The following CHP1 variants were observed in gnomAD, a reference collection of about 807,000 sequenced individuals.
CHP1 encodes calcineurin like EF-hand protein 1, also known as calcineurin B homologous protein 1.
CHP1 carries 11 observed loss-of-function variants against 27.4 expected under a neutral mutation model. That is an observed-to-expected ratio of 0.40 (90% CI 0.25 to 0.67). The LOEUF (loss-of-function observed/expected upper bound fraction) is 0.67. Among genes scored for constraint, CHP1 ranks in the 30% least tolerant of loss-of-function variants. The pLI is 0.38. For synonymous variants in CHP1, 89 were observed against 87.4 expected, an observed-to-expected ratio of 1.02 and a Z score of -0.10; for missense variants, 169 against 251.3, an observed-to-expected ratio of 0.67 and a Z score of 2.22.
chr15:41,252,445 G>C (rs1419640109), intron 2 of CHP1, among the ~76,000 whole-genome samples: 3 of 152,176 alleles, frequency 2.0e-5, no homozygotes, highest in African/African-American at 7.2e-5. Flanking sequence ...GGAATTACAG[G>C]AGTGAGCCAC....
intron 1 of CHP1, 69 bp downstream of exon 1, chr15:41,231,518 C>T (rs2047241944): frequency 6.7e-7 from 1 of 1,483,396 alleles, no homozygotes; most frequent in Non-Finnish European, 9.2e-7. Flanking sequence ...GCGGCTGTCG[C>T]TAAGGTCTGG....
intron 5 of CHP1, 138 bp downstream of exon 5, chr15:41,270,756 G>A (rs1443525066): frequency 3.0e-6 from 2 of 657,510 alleles, no homozygotes; most frequent in Admixed American, 2.8e-5. Context: ...TAAGACAAAG[G>A]AGATGACCTG....
intron 3 of CHP1, among the ~76,000 whole-genome samples, chr15:41,259,497 T>G (rs1388480421): frequency 2.0e-5 from 3 of 151,840 alleles, no homozygotes; most frequent in Admixed American, 1.3e-4. Flanking sequence ...GGGTTTTTCT[T>G]TCTTCCCTAG....
chr15:41,252,938 T>G (rs2047377658), intron 2 of CHP1, among the ~76,000 whole-genome samples: 1 of 128,332 alleles, frequency 7.8e-6, no homozygotes, highest in Non-Finnish European at 1.6e-5. Flanking sequence ...TTTTTTTTTT[T>G]TTTTTTTTTT....
intron 2 of CHP1, among the ~76,000 whole-genome samples, chr15:41,247,667 A>G (rs149793872): frequency 8.5e-4 from 121 of 142,062 alleles, no homozygotes; most frequent in African/African-American, 3.1e-3. Context: ...GCAAGACTCC[A>G]TCTTAAAATA....
intron 1 of CHP1, among the ~76,000 whole-genome samples, chr15:41,234,430 A>C (rs932064095): frequency 1.3e-5 from 2 of 152,214 alleles, no homozygotes; most frequent in Admixed American, 6.5e-5. Flanking sequence ...ATTATAAGAC[A>C]TTTTACTACT....
intron 5 of CHP1, among the ~76,000 whole-genome samples, chr15:41,277,597 G>A (rs1224547472): frequency 6.6e-6 from 1 of 152,138 alleles, no homozygotes; most frequent in Non-Finnish European, 1.5e-5. Flanking sequence ...AGACCAGCCT[G>A]GCCAACATGG....
In CHP1 at chr15:41,255,466, A is replaced by T. The variant is rs192038206; in HGVS notation, c.141-1444A>T. Among the ~76,000 whole-genome samples, 53 of 152,262 alleles carry T rather than the reference A, an allele frequency of 3.5e-4. No homozygotes were observed. The East Asian group carries it at 9.4e-3, about 27-fold the overall frequency. On this transcript the variant is annotated intron_variant, in intron 2 of 6. Coordinates refer to ENST00000334660, the MANE Select transcript of CHP1 (RefSeq NM_007236.5). ...GGTGGGTGGATCACCTGAGGTCAGGAGTTCAAGACCAGCCTGGCCAATGTG... is the reference window on the plus strand; with the variant it reads ...GGTGGGTGGATCACCTGAGGTCAGGTGTTCAAGACCAGCCTGGCCAATGTG...
In CHP1 at chr15:41,250,477, G is replaced by T. The variant is rs527776875; in HGVS notation, c.141-6433G>T. Among the ~76,000 whole-genome samples, 59 of 152,206 alleles carry T rather than the reference G, an allele frequency of 3.9e-4. 1 individual carries two copies. In the East Asian group the frequency reaches 0.011, roughly 27 times the overall value. On this transcript the variant is annotated intron_variant, in intron 2 of 6. Coordinates refer to ENST00000334660, the MANE Select transcript of CHP1 (RefSeq NM_007236.5). ...AGCACTTTGGGAGGCCGAGGCAGGG[G>T]AATCGCTTGAACCCGGGAGGCGGAG...
intron 4 of CHP1, among the ~76,000 whole-genome samples, chr15:41,265,193 T>A (rs1371152629): frequency 2.0e-5 from 3 of 146,412 alleles, no homozygotes; most frequent in Non-Finnish European, 4.5e-5. Context: ...GAAACCCCAT[T>A]TCTACAAAAA....
At chr15:41,255,117 T>A (rs1031417791) in intron 2 of CHP1, among the ~76,000 whole-genome samples, 3 of 152,224 alleles carry the variant, frequency 2.0e-5, no homozygotes, top group Admixed American at 2.0e-4. Flanking sequence ...TTATGTAATA[T>A]TCCATATTTT....
At chr15:41,270,478 A>AGTGTCTTATATATTTAGTTCCTT (rs2047483139) in intron 4 of CHP1, 79 bp from the exon 5 acceptor site, 1 of 1,030,804 alleles carries the variant, frequency 9.7e-7, no homozygotes, top group African/African-American at 1.6e-5. Flanking sequence ...TTTTCTGTCT[A>AGTGTCTTATATATTTAGTTCCTT]GTGTCTTATA....
chr15:41,266,936 GTTGCAGTGAGCTGAGA>G (rs2140939431), intron 4 of CHP1, among the ~76,000 whole-genome samples: 1 of 152,006 alleles, frequency 6.6e-6, no homozygotes, highest in East Asian at 1.9e-4. Context: ...GGAGGCGGAG[GTTGCAGTGAGCTGAGA>G]TTGCGCCACT....
At chr15:41,246,567 C>G (rs1388814968) in intron 2 of CHP1, among the ~76,000 whole-genome samples, 1 of 149,250 alleles carries the variant, frequency 6.7e-6, no homozygotes, top group African/African-American at 2.5e-5. Context: ...ATCCACCCGC[C>G]TTGGCCTCCC....
intron 5 of CHP1, among the ~76,000 whole-genome samples, chr15:41,277,406 G>T (rs1303341378): frequency 1.3e-5 from 2 of 152,208 alleles, no homozygotes; most frequent in African/African-American, 4.8e-5. Flanking sequence ...CACTTTGGGA[G>T]GTGGCAGAGG....
chr15:41,231,289 C>T lies in CHP1; in HGVS notation c.-94C>T, dbSNP rs1415920845. 1.4e-5 allele frequency: 18 copies of T among 1,271,804 alleles called. No homozygotes were observed. The highest frequency in any genetic ancestry group is 1.2e-4 in the South Asian group (9 of 78,034). The allele number at this position is 1,271,804 out of a possible 1,614,324, so 78.8% of individuals were successfully genotyped here. A position where few individuals can be genotyped will look rare whatever the true frequency, so the allele number is the denominator to read the frequency against. ...CCGCAGTGGAAACACTGCCCTCTCC[C>T]TTCTTGACCCCTAGCCCTTCCTTCC... On this transcript the variant is annotated 5_prime_UTR_variant, in exon 1 of 7. Transcript: ENST00000334660.
intron 2 of CHP1, among the ~76,000 whole-genome samples, chr15:41,248,284 G>T (rs1428699486): frequency 6.6e-6 from 1 of 152,032 alleles, no homozygotes; most frequent in African/African-American, 2.4e-5. Flanking sequence ...AAGTAGCTAG[G>T]ACTACAGGCA....
chr15:41,245,247 G>T (rs1210941967), intron 2 of CHP1, among the ~76,000 whole-genome samples: 1 of 152,186 alleles, frequency 6.6e-6, no homozygotes, highest in Non-Finnish European at 1.5e-5. Flanking sequence ...GATCACCTGA[G>T]ATCAGGAGTT....
chr15:41,277,583 T>C (rs1442634261), intron 5 of CHP1, among the ~76,000 whole-genome samples: 2 of 150,638 alleles, frequency 1.3e-5, no homozygotes, highest in Non-Finnish European at 3.0e-5. Context: ...AGGTCAGGAG[T>C]TCGAGACCAG....
Sources: allele counts gnomAD v4.1 joint callset (sites outside exome capture counted in the v4.1 genomes callset), GRCh38; gene constraint gnomAD v4.1.1; transcripts MANE v1.5; gene names NCBI Gene and HGNC (gene_info 2026-07-23, HGNC 2026-07-21).